The following PPIH variants were observed in gnomAD, a reference collection of about 807,000 sequenced individuals.
PPIH encodes the protein peptidylprolyl isomerase H, also known as peptidyl-prolyl cis-trans isomerase H.
A neutral mutation model predicts 27.6 loss-of-function variants in PPIH; 16 were observed. The ratio of observed to expected loss-of-function variants is 0.58; its 90% confidence interval spans 0.39 to 0.88. The LOEUF (loss-of-function observed/expected upper bound fraction) is 0.88, where lower values mean the gene tolerates loss of function less well. PPIH is among the 40% of genes least tolerant of loss of function. The pLI, the probability that PPIH is intolerant of heterozygous loss-of-function variation, is 0.00. For synonymous variants in PPIH, 63 were observed against 76.1 expected (o/e 0.83, Z 0.90); for missense variants, 155 against 224.1 (o/e 0.69, Z 1.97).
intron 2 of PPIH, 94 bp downstream of exon 2, chr1:42,659,002 C>G: frequency 7.0e-7 from 1 of 1,428,940 alleles, no homozygotes; most frequent in Non-Finnish European, 9.8e-7. Flanking sequence ...TGTCCGTCCG[C>G]TCACTGCTCT....
downstream of PPIH, among the ~76,000 whole-genome samples, chr1:42,677,638 T>C (rs1176260544): frequency 2.0e-5 from 3 of 152,128 alleles, no homozygotes; most frequent in Non-Finnish European, 4.4e-5. Flanking sequence ...TACCAAGACC[T>C]TGTCTGTACA....
downstream of PPIH, among the ~76,000 whole-genome samples, chr1:42,678,560 C>T (rs1424107046): frequency 1.3e-5 from 2 of 152,062 alleles, no homozygotes; most frequent in Non-Finnish European, 2.9e-5. Context: ...CCACCGTGCC[C>T]GTCTAATTTT....
At chr1:42,674,545 A>G (rs1649793660) in intron 9 of PPIH, among the ~76,000 whole-genome samples, 1 of 152,344 alleles carries the variant, frequency 6.6e-6, no homozygotes, top group East Asian at 1.9e-4. Context: ...GAAGGAGTCC[A>G]CTGTGCTCCT....
intron 1 of PPIH, 50 bp from the exon 2 acceptor site, chr1:42,658,794 G>C: frequency 6.3e-7 from 1 of 1,597,018 alleles, no homozygotes; most frequent in Non-Finnish European, 8.6e-7. Flanking sequence ...GCTCCGTGAA[G>C]CCCTCATGGT....
chr1:42,664,613 T>C (rs1649229143), intron 5 of PPIH, among the ~76,000 whole-genome samples: 1 of 152,212 alleles, frequency 6.6e-6, no homozygotes, highest in Non-Finnish European at 1.5e-5. Flanking sequence ...TTGATCGTTC[T>C]AGAGGCCCAG....
chr1:42,665,313 G>A (rs1275441720), intron 6 of PPIH, among the ~76,000 whole-genome samples: 1 of 152,144 alleles, frequency 6.6e-6, no homozygotes, highest in African/African-American at 2.4e-5. Context: ...GCTGAGGCAG[G>A]AGAATCGCTT....
chr1:42,669,223 C>G (rs1329807003), intron 9 of PPIH, among the ~76,000 whole-genome samples: 1 of 150,516 alleles, frequency 6.6e-6, no homozygotes, highest in Non-Finnish European at 1.5e-5. Context: ...AAAAGAAAAA[C>G]CGAAACTGCA....
chr1:42,675,802 G>A lies in PPIH; in HGVS notation c.*22-782G>A, dbSNP rs74068499. ...TCCCTTTCTCTTTACCTCTGGGACC[G>A]AAACCTGCAAGGAAGAAGGATTGCT... is the stretch of plus-strand genomic sequence containing the variant. On this transcript the variant is annotated intron_variant, in intron 9 of 9. Transcript: ENST00000304979. Among the ~76,000 whole-genome samples, 1,026 of 152,212 alleles carry A rather than the reference G, an allele frequency of 6.7e-3. 14 individuals are homozygous for A. Among genetic ancestry groups the A allele is most frequent in the African/African-American group, 0.024 (985 of 41,524 alleles).
chr1:42,672,564 C>T (rs1019060948), intron 9 of PPIH, among the ~76,000 whole-genome samples: 2 of 152,152 alleles, frequency 1.3e-5, no homozygotes, highest in African/African-American at 4.8e-5. Flanking sequence ...TTCTACCTCC[C>T]TATGGAGCAC....
chr1:42,663,656 T>C (rs1343519503), intron 5 of PPIH, among the ~76,000 whole-genome samples: 3 of 152,152 alleles, frequency 2.0e-5, no homozygotes, highest in Non-Finnish European at 4.4e-5. Flanking sequence ...CGCCTCAGCC[T>C]CCCAAAGTGA....
At chr1:42,663,224 T>G (rs1364412438) in intron 5 of PPIH, among the ~76,000 whole-genome samples, 2 of 152,182 alleles carry the variant, frequency 1.3e-5, no homozygotes, top group African/African-American at 4.8e-5. Context: ...ATTTGATTAT[T>G]TATATAGTAC....
At chr1:42,671,873 A>C (rs1034667045) in intron 9 of PPIH, among the ~76,000 whole-genome samples, 1 of 141,184 alleles carries the variant, frequency 7.1e-6, no homozygotes, top group African/African-American at 2.7e-5. Context: ...ATTGGGCAGT[A>C]TTTCTTTCTT....
downstream of PPIH, among the ~76,000 whole-genome samples, chr1:42,678,330 A>G (rs2148731468): frequency 6.6e-6 from 1 of 152,208 alleles, no homozygotes; most frequent in South Asian, 2.1e-4. Flanking sequence ...GTGATAGGAG[A>G]CAGGGACAGT....
At chr1:42,659,596 C>G (rs1264947580) in intron 4 of PPIH, 30 bp downstream of exon 4, 2 of 1,597,340 alleles carry the variant, frequency 1.3e-6, no homozygotes, top group Non-Finnish European at 1.7e-6. Flanking sequence ...ATCCTGGAGT[C>G]TTTCAGAAAT....
intron 9 of PPIH, among the ~76,000 whole-genome samples, chr1:42,674,474 CAT>C (rs1422969416): frequency 6.6e-6 from 1 of 152,160 alleles, no homozygotes; most frequent in Non-Finnish European, 1.5e-5. Context: ...TTTAGCAGTT[CAT>C]ATGTTATTCT....
At chr1:42,661,431 C>T (rs1398972843) in intron 5 of PPIH, among the ~76,000 whole-genome samples, 1 of 152,282 alleles carries the variant, frequency 6.6e-6, no homozygotes, top group Non-Finnish European at 1.5e-5. Context: ...GCTCTATTCA[C>T]TGAGAGAGCC....
chr1:42,665,392 C>T (rs543129573), intron 6 of PPIH, among the ~76,000 whole-genome samples: 4 of 152,070 alleles, frequency 2.6e-5, no homozygotes, highest in African/African-American at 9.6e-5. Context: ...GCAACAAGAG[C>T]GAAACTCCAT....
At chr1:42,678,057 A>G (rs994671808), downstream of PPIH, among the ~76,000 whole-genome samples, 2 of 152,214 alleles carry the variant, frequency 1.3e-5, no homozygotes, top group African/African-American at 4.8e-5. Flanking sequence ...TAAGGGCCCT[A>G]CAGTACAGAC....
chr1:42,661,367 G>C (rs1649006937), intron 5 of PPIH, among the ~76,000 whole-genome samples: 1 of 152,138 alleles, frequency 6.6e-6, no homozygotes, highest in East Asian at 1.9e-4. Flanking sequence ...ATAAGAAGTT[G>C]ATTTGTGGGC....
Sources: gnomAD v4.1 joint callset for allele counts (sites outside exome capture counted in the v4.1 genomes callset) on GRCh38, gnomAD v4.1.1 for gene constraint, MANE v1.5 for transcripts, NCBI Gene and HGNC (gene_info 2026-07-23, HGNC 2026-07-21) for gene names.